The following CDC73 variants were observed in gnomAD, a reference collection of about 807,000 sequenced individuals.
CDC73 encodes the protein cell division cycle 73.
A neutral mutation model predicts 83.7 loss-of-function variants in CDC73; 21 were observed. The observed-to-expected ratio is 0.25, with a 90% confidence interval of 0.18 to 0.36. CDC73 has a LOEUF of 0.36. Among genes scored for constraint, CDC73 ranks in the 10% least tolerant of loss-of-function variants. The pLI is 1.00. For synonymous variants in CDC73, 224 were observed against 212.9 expected (o/e 1.05, Z -0.45); for missense variants, 342 against 653.3 (o/e 0.52, Z 5.19).
chr1:193,251,844 G>GTT lies in CDC73; in HGVS notation c.*1143_*1144dup, dbSNP rs538761780. Reference sequence around the variant, plus strand: ...TTGCCTTGAACCTTGATTTCACTTTGTTTTTTTTTTTTCCTTAAAGGCAAC... The same window carrying GTT: ...TTGCCTTGAACCTTGATTTCACTTTGTTTTTTTTTTTTTTCCTTAAAGGCAAC... On this transcript the variant is annotated 3_prime_UTR_variant, in exon 17 of 17. Coordinates refer to ENST00000367435, the MANE Select transcript of CDC73 (RefSeq NM_024529.5). 9.5e-5 allele frequency: 19 copies of GTT among 199,074 alleles called. No homozygotes were observed. Among genetic ancestry groups the GTT allele is most frequent in the East Asian group, 2.2e-4 (3 of 13,544 alleles). The allele number at this position is 199,074 out of a possible 1,614,324, so 12.3% of individuals were successfully genotyped here.
At chr1:193,246,015 A>G (rs1175033183) in intron 15 of CDC73, among the ~76,000 whole-genome samples, 2 of 152,160 alleles carry the variant, frequency 1.3e-5, no homozygotes, top group African/African-American at 4.8e-5. Flanking sequence ...TTTCTAGTAT[A>G]TTCTGATTAT....
chr1:193,124,784 T>C (rs1043108275), intron 1 of CDC73, among the ~76,000 whole-genome samples: 2 of 152,232 alleles, frequency 1.3e-5, no homozygotes, highest in African/African-American at 4.8e-5. Context: ...GTGTAATTGT[T>C]TTCTCTTATG....
At chr1:193,193,205 TA>T (rs1438749116) in intron 10 of CDC73, among the ~76,000 whole-genome samples, 1 of 152,188 alleles carries the variant, frequency 6.6e-6, no homozygotes, top group East Asian at 1.9e-4. Flanking sequence ...TCTTAGGCTG[TA>T]TAAGGGGTTT....
intron 13 of CDC73, among the ~76,000 whole-genome samples, chr1:193,226,965 A>G (rs531340845): frequency 9.1e-4 from 138 of 151,976 alleles, no homozygotes; most frequent in Non-Finnish European, 1.7e-3. Context: ...TTTTGTTGGT[A>G]ATTTTTAAAT....
intron 10 of CDC73, chr1:193,181,670 T>G: frequency 1.9e-6 from 2 of 1,053,160 alleles, no homozygotes; most frequent in Non-Finnish European, 2.7e-6. Context: ...ACATTGTCTC[T>G]CTTGTAGTCA....
intron 10 of CDC73, among the ~76,000 whole-genome samples, chr1:193,166,058 T>A (rs1473406460): frequency 1.3e-5 from 2 of 152,334 alleles, no homozygotes; most frequent in Admixed American, 6.5e-5. Context: ...GCTGAACTCT[T>A]AGAAACTTTA....
At chr1:193,143,587 T>C (rs1675943806) in intron 7 of CDC73, among the ~76,000 whole-genome samples, 2 of 152,192 alleles carry the variant, frequency 1.3e-5, no homozygotes, top group South Asian at 2.1e-4. Flanking sequence ...AGAATTGTTT[T>C]GTAGCTAGGC....
chr1:193,196,025 C>T (rs1262953824), intron 10 of CDC73, among the ~76,000 whole-genome samples: 3 of 151,982 alleles, frequency 2.0e-5, no homozygotes, highest in South Asian at 2.1e-4. Flanking sequence ...TTTCTTTTTC[C>T]GTTGTCTGTA....
intron 13 of CDC73, among the ~76,000 whole-genome samples, chr1:193,225,272 A>C (rs537635551): frequency 3.3e-4 from 49 of 148,648 alleles, no homozygotes; most frequent in East Asian, 2.9e-3. Context: ...ATATATATAT[A>C]TCCACATACT....
At chr1:193,122,647 T>G in intron 1 of CDC73, 1 of 323,092 alleles carries the variant, frequency 3.1e-6, no homozygotes, top group Non-Finnish European at 6.0e-6. Flanking sequence ...GCGCAAGGGA[T>G]ACCTGAACAT....
intron 11 of CDC73, among the ~76,000 whole-genome samples, chr1:193,211,189 G>A (rs1222340810): frequency 6.6e-6 from 1 of 152,174 alleles, no homozygotes; most frequent in African/African-American, 2.4e-5. Context: ...AAACCAGGGA[G>A]GGATAGTACC....
intron 10 of CDC73, among the ~76,000 whole-genome samples, chr1:193,168,862 T>A (rs1380576129): frequency 5.9e-5 from 9 of 152,214 alleles, no homozygotes; most frequent in Admixed American, 5.9e-4. Context: ...CGACAATAGG[T>A]AAATGAATGA....
chr1:193,221,774 A>C (rs1168896125), intron 13 of CDC73, among the ~76,000 whole-genome samples: 2 of 152,170 alleles, frequency 1.3e-5, no homozygotes, highest in Non-Finnish European at 2.9e-5. Context: ...ACCATGCCTA[A>C]TGTTTCTTCC....
intron 10 of CDC73, among the ~76,000 whole-genome samples, chr1:193,170,364 TCAC>T (rs1676499642): frequency 6.6e-6 from 1 of 152,242 alleles, no homozygotes; most frequent in African/African-American, 2.4e-5. Context: ...CTTTGAGGAA[TCAC>T]CACAGTTTCT....
chr1:193,200,408 C>T (rs1192192069), intron 10 of CDC73, among the ~76,000 whole-genome samples: 3 of 152,214 alleles, frequency 2.0e-5, no homozygotes, highest in African/African-American at 7.2e-5. Context: ...TAGATGATCT[C>T]ATTTGCTAAA....
intron 13 of CDC73, among the ~76,000 whole-genome samples, chr1:193,215,684 G>C (rs563897656): frequency 2.6e-5 from 4 of 151,562 alleles, no homozygotes; most frequent in African/African-American, 9.7e-5. Flanking sequence ...CTGCCTCCTG[G>C]GCTCAAGCAA....
chr1:193,138,899 C>T lies in CDC73; in HGVS notation c.512+726C>T, dbSNP rs374735931. ...AAGCGATTCTCCTGCCTCAGCTTCCCGAGTAGCTGGGATTACAGGCGCCTG... is the reference window on the plus strand; with the variant it reads ...AAGCGATTCTCCTGCCTCAGCTTCCTGAGTAGCTGGGATTACAGGCGCCTG... On this transcript the variant is annotated intron_variant, in intron 6 of 16. Coordinates refer to ENST00000367435, the MANE Select transcript of CDC73 (RefSeq NM_024529.5). Among the ~76,000 whole-genome samples the T allele has an allele frequency of 3.0e-4, 46 of 151,520 alleles. 1 individual carries two copies. Among genetic ancestry groups the T allele is most frequent in the African/African-American group, 9.4e-4 (39 of 41,332 alleles).
At chr1:193,155,107 C>T (rs909013160) in intron 10 of CDC73, among the ~76,000 whole-genome samples, 12 of 152,018 alleles carry the variant, frequency 7.9e-5, no homozygotes, top group African/African-American at 2.9e-4. Context: ...ATTATGCAGA[C>T]GGCTAGAATA....
At chr1:193,176,656 AG>A (rs1332143092) in intron 10 of CDC73, among the ~76,000 whole-genome samples, 1 of 152,218 alleles carries the variant, frequency 6.6e-6, no homozygotes, top group Non-Finnish European at 1.5e-5. Context: ...GTCTGTCAAT[AG>A]GAATTTTTTT....
Sources: gnomAD v4.1 joint callset for allele counts (sites outside exome capture counted in the v4.1 genomes callset) on GRCh38, gnomAD v4.1.1 for gene constraint, MANE v1.5 for transcripts, NCBI Gene and HGNC (gene_info 2026-07-23, HGNC 2026-07-21) for gene names.